The following STXBP5L variants were observed in gnomAD, a reference collection of about 807,000 sequenced individuals.
The protein encoded by STXBP5L is syntaxin binding protein 5L.
A neutral mutation model predicts 144.5 loss-of-function variants in STXBP5L; 65 were observed. The ratio of observed to expected loss-of-function variants is 0.45; its 90% confidence interval spans 0.37 to 0.55. STXBP5L has a LOEUF of 0.55. Ranked by LOEUF, STXBP5L falls within the 20% of genes least tolerant of loss-of-function variation. STXBP5L has a pLI of 0.00. For missense variants in STXBP5L, 1,298 were observed against 1,405.5 expected (o/e 0.92, Z 1.22); for synonymous variants, 505 against 469.6 (o/e 1.08, Z -0.97).
chr3:120,984,632 C>CTTTTTTT (rs35656223), intron 3 of STXBP5L, among the ~76,000 whole-genome samples: 22 of 71,966 alleles, frequency 3.1e-4, no homozygotes, highest in Admixed American at 4.4e-4. Context: ...TCTTTCTTTC[C>CTTTTTTT]TTTTTTTTTT....
intron 18 of STXBP5L, among the ~76,000 whole-genome samples, chr3:121,265,338 T>A: frequency 6.6e-6 from 1 of 152,186 alleles, no homozygotes; most frequent in South Asian, 2.1e-4. Context: ...ACCATGCAAC[T>A]ACATGGAAAC....
intron 2 of STXBP5L, among the ~76,000 whole-genome samples, chr3:120,949,382 G>C (rs1482628211): frequency 6.6e-6 from 1 of 152,098 alleles, no homozygotes; most frequent in East Asian, 1.9e-4. Context: ...TTACTCTGCT[G>C]ATTATTTCTT....
At chr3:121,014,073 A>G (rs1003698461) in intron 3 of STXBP5L, among the ~76,000 whole-genome samples, 3 of 152,040 alleles carry the variant, frequency 2.0e-5, no homozygotes, top group African/African-American at 7.2e-5. Flanking sequence ...AGGTAATATG[A>G]TGCCTCCAGC....
At chr3:121,236,550 A>G (rs1259771045) in intron 12 of STXBP5L, among the ~76,000 whole-genome samples, 1 of 152,146 alleles carries the variant, frequency 6.6e-6, no homozygotes, top group African/African-American at 2.4e-5. Flanking sequence ...GCTTTTTTAA[A>G]CAACCAGCTC....
chr3:120,944,327 A>C (rs1465864364), intron 2 of STXBP5L, among the ~76,000 whole-genome samples: 1 of 151,710 alleles, frequency 6.6e-6, no homozygotes, highest in Non-Finnish European at 1.5e-5. Flanking sequence ...GGAAGGAGAC[A>C]TATGACTTTT....
chr3:121,210,788 A>G (rs2048531638), intron 10 of STXBP5L, among the ~76,000 whole-genome samples: 1 of 152,010 alleles, frequency 6.6e-6, no homozygotes, highest in South Asian at 2.1e-4. Flanking sequence ...CCATTAGTCT[A>G]TATCTCTGTT....
At chr3:121,217,088 T>C (rs536361000) in intron 10 of STXBP5L, among the ~76,000 whole-genome samples, 1 of 152,272 alleles carries the variant, frequency 6.6e-6, no homozygotes, top group Non-Finnish European at 1.5e-5. Context: ...CAGCGAGAAT[T>C]TCAAACCAGT....
At chr3:120,991,190 C>G (rs1942825609) in intron 3 of STXBP5L, among the ~76,000 whole-genome samples, 1 of 149,794 alleles carries the variant, frequency 6.7e-6, no homozygotes, top group African/African-American at 2.5e-5. Context: ...AGACACTTCT[C>G]AAAAGAAGAC....
chr3:121,297,254 T>G (rs2051695468), intron 19 of STXBP5L, among the ~76,000 whole-genome samples: 1 of 147,528 alleles, frequency 6.8e-6, no homozygotes, highest in Admixed American at 6.7e-5. Context: ...TTCCTGATAT[T>G]AGTGATAATA....
chr3:121,350,363 C>T (rs1013737868), intron 20 of STXBP5L, among the ~76,000 whole-genome samples: 4 of 152,082 alleles, frequency 2.6e-5, no homozygotes, highest in Non-Finnish European at 4.4e-5. Flanking sequence ...TGTGGGTAAC[C>T]CGACCTTTGT....
At chr3:121,155,063 C>T (rs1261605660) in intron 8 of STXBP5L, among the ~76,000 whole-genome samples, 3 of 151,740 alleles carry the variant, frequency 2.0e-5, no homozygotes, top group Non-Finnish European at 4.4e-5. Flanking sequence ...TGTCTTACCT[C>T]TTCAATATAT....
intron 20 of STXBP5L, among the ~76,000 whole-genome samples, chr3:121,362,510 C>A (rs2045741436): frequency 6.6e-6 from 1 of 152,182 alleles, no homozygotes; most frequent in Non-Finnish European, 1.5e-5. Flanking sequence ...CCCATAGCCG[C>A]CACCACCCCA....
At chr3:121,106,357 G>A (rs979375090) in intron 5 of STXBP5L, among the ~76,000 whole-genome samples, 1 of 152,090 alleles carries the variant, frequency 6.6e-6, no homozygotes, top group African/African-American at 2.4e-5. Flanking sequence ...CATCACATCG[G>A]TATTGAGCCC....
intron 19 of STXBP5L, among the ~76,000 whole-genome samples, chr3:121,313,168 C>A (rs1227644618): frequency 7.0e-6 from 1 of 143,390 alleles, no homozygotes; most frequent in Non-Finnish European, 1.5e-5. Flanking sequence ...GGCGGCCGGG[C>A]AGAGGCGCCC....
rs2045937684 is a variant in STXBP5L, at chr3:121,368,690, TCTCTGTG to T, written c.2177-10024_2177-10018del. Among the ~76,000 whole-genome samples the T allele has an allele frequency of 3.3e-5, 5 of 152,328 alleles. No homozygotes were observed. In the South Asian group the frequency reaches 8.3e-4, roughly 25 times the overall value. On this transcript the variant is annotated intron_variant, in intron 20 of 26. Transcript: ENST00000471454. ...TAATTTGCTTTATAGTTGTAATCTG[TCTCTGTG>T]CCAAGGACTGGTCTGGGGTGTAATC...
In STXBP5L at chr3:120,936,889, T is replaced by C. The variant is rs1280766296; in HGVS notation, c.190-18051T>C. Among the ~76,000 whole-genome samples the C allele has an allele frequency of 3.9e-5, 6 of 152,232 alleles. No homozygotes were observed. In the South Asian group the frequency reaches 1.0e-3, roughly 26 times the overall value. ...TTCCCCTGTTATTATAGGAGCCCTA[T>C]TGATGTGGTGTTGAGGTGTGGGGGA... On this transcript the variant is annotated intron_variant, in intron 2 of 26. Transcript: ENST00000471454.
chr3:121,116,440 A>G (rs1294523211), intron 6 of STXBP5L, among the ~76,000 whole-genome samples: 2 of 151,940 alleles, frequency 1.3e-5, no homozygotes, highest in African/African-American at 4.8e-5. Flanking sequence ...ATTAATGATA[A>G]TTCTTTCTCC....
intron 19 of STXBP5L, among the ~76,000 whole-genome samples, chr3:121,285,027 T>A (rs2051181788): frequency 6.6e-6 from 1 of 150,846 alleles, no homozygotes; most frequent in African/African-American, 2.5e-5. Flanking sequence ...TATAATCTGA[T>A]TATATTTCTA....
chr3:121,389,614 C>T (rs2046523759), intron 22 of STXBP5L, among the ~76,000 whole-genome samples: 1 of 152,150 alleles, frequency 6.6e-6, no homozygotes, highest in Non-Finnish European at 1.5e-5. Context: ...CAAAGAACGT[C>T]TTTATTTCTG....
Sources: gnomAD v4.1 joint callset for allele counts (sites outside exome capture counted in the v4.1 genomes callset) on GRCh38, gnomAD v4.1.1 for gene constraint, MANE v1.5 for transcripts, NCBI Gene and HGNC (gene_info 2026-07-23, HGNC 2026-07-21) for gene names.